TPRG1: variants seen among roughly 807,000 people sequenced by gnomAD.
TPRG1 encodes tumor protein p63-regulated gene 1 protein.
In TPRG1, 29 loss-of-function variants were observed where a neutral mutation model predicts 29.3. That is an observed-to-expected ratio of 0.99 (90% confidence interval 0.74 to 1.35). TPRG1 has a LOEUF of 1.35. Among genes scored for constraint, TPRG1 ranks in the 40% most tolerant of loss-of-function variants. The probability of loss-of-function intolerance (pLI) is 0.00; values close to 1 mark genes in which losing one functional copy is unlikely to be tolerated. For synonymous variants in TPRG1, 130 were observed against 116.8 expected (o/e 1.11, Z -0.73); for missense variants, 327 against 335.0 (o/e 0.98, Z 0.19).
intron 4 of TPRG1, among the ~76,000 whole-genome samples, chr3:189,060,806 TA>T: frequency 6.6e-6 from 1 of 152,088 alleles, no homozygotes; most frequent in African/African-American, 2.4e-5. Context: ...AACACAAACA[TA>T]TGGAAAATCA....
chr3:189,269,452 C>G (rs530106442), intron 4 of TPRG1, among the ~76,000 whole-genome samples: 1 of 151,996 alleles, frequency 6.6e-6, no homozygotes, highest in Non-Finnish European at 1.5e-5. Flanking sequence ...TACTTAGGTG[C>G]GCCAGTTTAA....
At chr3:189,199,879 C>CA (rs368954763) in intron 1 of TPRG1, among the ~76,000 whole-genome samples, 146 of 151,586 alleles carry the variant, frequency 9.6e-4, no homozygotes, top group African/African-American at 3.4e-3. Flanking sequence ...GACTCCATCT[C>CA]AAAAAAAACC....
chr3:189,050,301 T>C (rs1342723135), intron 4 of TPRG1, among the ~76,000 whole-genome samples: 1 of 152,138 alleles, frequency 6.6e-6, no homozygotes, highest in African/African-American at 2.4e-5. Context: ...AAGGCTACTA[T>C]GAACAACTTT....
chr3:189,065,822 GA>G (rs951140243), intron 4 of TPRG1, among the ~76,000 whole-genome samples: 3 of 148,572 alleles, frequency 2.0e-5, no homozygotes, highest in Admixed American at 6.7e-5. Context: ...AGTAAGCTAA[GA>G]AAAAAAAAGG....
intron 4 of TPRG1, among the ~76,000 whole-genome samples, chr3:189,025,288 G>A (rs1713597571): frequency 6.6e-6 from 1 of 152,124 alleles, no homozygotes; most frequent in African/African-American, 2.4e-5. Context: ...GTTTCCAGGG[G>A]TCACACATTC....
upstream of TPRG1, among the ~76,000 whole-genome samples, chr3:189,170,709 G>A (rs553468137): frequency 6.6e-6 from 1 of 152,260 alleles, no homozygotes; most frequent in East Asian, 1.9e-4. Context: ...TCCTCGACAC[G>A]GTGGAAGCAG....
chr3:189,027,469 GTAA>G (rs1308790098), intron 4 of TPRG1, among the ~76,000 whole-genome samples: 10 of 152,188 alleles, frequency 6.6e-5, no homozygotes, highest in Admixed American at 6.6e-4. Flanking sequence ...CAACCAGACT[GTAA>G]TGAACCAAAA....
intron 1 of TPRG1, among the ~76,000 whole-genome samples, chr3:189,204,951 A>T (rs1450119): frequency 0.2 from 28,625 of 146,082 alleles, 2,682 homozygotes; most frequent in Middle Eastern, 0.27. Flanking sequence ...TCTCTCTCAC[A>T]CACACACACA....
upstream of TPRG1, among the ~76,000 whole-genome samples, chr3:189,170,252 G>A (rs942826318): frequency 1.3e-5 from 2 of 152,114 alleles, no homozygotes. Flanking sequence ...GTTTTGTGGC[G>A]TCTAAGTGGT....
At chr3:189,110,908 T>C (rs1720429422) in intron 1 of TPRG1, among the ~76,000 whole-genome samples, 1 of 151,482 alleles carries the variant, frequency 6.6e-6, no homozygotes, top group Non-Finnish European at 1.5e-5. Flanking sequence ...ACTGTGTTCA[T>C]ATATATTTAT....
chr3:189,271,151 G>T (rs1257844690), intron 4 of TPRG1, among the ~76,000 whole-genome samples: 1 of 152,188 alleles, frequency 6.6e-6, no homozygotes, highest in Non-Finnish European at 1.5e-5. Context: ...CGGTAGAGCT[G>T]GGTTTCTTTA....
chr3:189,208,804 AT>A (rs1218645588), intron 2 of TPRG1, among the ~76,000 whole-genome samples: 1 of 152,200 alleles, frequency 6.6e-6, no homozygotes, highest in Non-Finnish European at 1.5e-5. Context: ...TATCTTTGAT[AT>A]TGATGATGTA....
At chr3:189,088,608 C>T (rs1718120161) in intron 4 of TPRG1, among the ~76,000 whole-genome samples, 1 of 152,128 alleles carries the variant, frequency 6.6e-6, no homozygotes, top group African/African-American at 2.4e-5. Flanking sequence ...CTGTTTATTT[C>T]AGTTACTTAC....
chr3:189,243,582 T>C (rs1239691641), intron 4 of TPRG1, among the ~76,000 whole-genome samples: 1 of 151,864 alleles, frequency 6.6e-6, no homozygotes, highest in Non-Finnish European at 1.5e-5. Context: ...TCTTCAAATT[T>C]TCCAACTTTT....
chr3:189,119,954 G>C (rs1721636930), intron 1 of TPRG1, among the ~76,000 whole-genome samples: 1 of 152,212 alleles, frequency 6.6e-6, no homozygotes, highest in South Asian at 2.1e-4. Context: ...TAGCAGATAA[G>C]GAGGTTTCGG....
intron 1 of TPRG1, among the ~76,000 whole-genome samples, chr3:189,118,189 G>A (rs1013147970): frequency 2.6e-5 from 4 of 152,162 alleles, no homozygotes; most frequent in African/African-American, 9.7e-5. Flanking sequence ...TGGAGATGAG[G>A]AACTTGTTGG....
chr3:189,049,598 G>A (rs931913261), intron 4 of TPRG1, among the ~76,000 whole-genome samples: 1 of 152,072 alleles, frequency 6.6e-6, no homozygotes, highest in Non-Finnish European at 1.5e-5. Flanking sequence ...TATAATCTTG[G>A]GAGTTCTAGG....
At position 189,323,204 on chromosome 3, in the gene TPRG1, C is replaced by T. The variant is rs374961133; in HGVS notation, c.*2384C>T. On this transcript the variant is annotated 3_prime_UTR_variant, in exon 6 of 6. Transcript: ENST00000345063. ...TGTGAGAGGAATTGCTGTATGATACCGTTTGGAGAAATGATTGACATAATC... is the reference window on the plus strand; with the variant it reads ...TGTGAGAGGAATTGCTGTATGATACTGTTTGGAGAAATGATTGACATAATC... 6.6e-6 allele frequency: 1 copy of T among 151,990 alleles called. No individual in the cohort carries two copies. The highest frequency in any genetic ancestry group is 1.5e-5 in the Non-Finnish European group (1 of 67,980). 9.4% of individuals were successfully genotyped at this position (151,990 alleles called of 1,614,324 possible).
At chr3:189,163,732 T>C (rs1180378994) in intron 5 of TPRG1, among the ~76,000 whole-genome samples, 4 of 152,152 alleles carry the variant, frequency 2.6e-5, no homozygotes, top group South Asian at 4.1e-4. Flanking sequence ...ATGTGTGCCA[T>C]TAGGGCTTCT....
Sources: gnomAD v4.1 joint callset for allele counts (sites outside exome capture counted in the v4.1 genomes callset) on GRCh38, gnomAD v4.1.1 for gene constraint, MANE v1.5 for transcripts, NCBI Gene and HGNC (gene_info 2026-07-23, HGNC 2026-07-21) for gene names.